The following ICE2 variants were observed in gnomAD, a reference collection of about 807,000 sequenced individuals.
The protein encoded by ICE2 is little elongation complex subunit 2.
In ICE2, 87 loss-of-function variants were observed where a neutral mutation model predicts 105.4. That is an observed-to-expected ratio of 0.83 (90% CI 0.69 to 0.99). ICE2 has a LOEUF of 0.99. Ranked by LOEUF, ICE2 falls within the 50% of genes least tolerant of loss-of-function variation. ICE2 has a pLI of 0.00. For synonymous variants in ICE2, 399 were observed against 392.0 expected, an observed-to-expected ratio of 1.02 and a Z score of -0.21; for missense variants, 1,323 against 1,146.7, an observed-to-expected ratio of 1.15 and a Z score of -2.22.
At chr15:60,446,837 G>A (rs1037764089) in intron 11 of ICE2, among the ~76,000 whole-genome samples, 3 of 152,066 alleles carry the variant, frequency 2.0e-5, no homozygotes, top group Non-Finnish European at 4.4e-5. Context: ...TTGGGCAGTG[G>A]GTTAGATAAC....
At chr15:60,448,553 A>G (rs577456516) in intron 10 of ICE2, among the ~76,000 whole-genome samples, 1 of 152,330 alleles carries the variant, frequency 6.6e-6, no homozygotes, top group East Asian at 1.9e-4. Flanking sequence ...AATGTTTATG[A>G]TTATTCTGGA....
Position 60,456,681 on chromosome 15 carries a change from C to T in ICE2, c.642G>A (p.Lys214=), listed in dbSNP as rs2141097548. ...FFPFRVEMGL[K]LEKTLLALGS... ...CCAATGCGAGAAGAGTTTTTTCTAA[C>T]TTTAATCCCATCTCTACTCTGAATG... The change falls in exon 6 of 16, where the codon AAG becomes AAA. Residue 214 remains lysine (K), a synonymous_variant. Coordinates refer to ENST00000261520, the MANE Select transcript of ICE2 (RefSeq NM_024611.6). 1 of 1,585,620 alleles carries T rather than the reference C, an allele frequency of 6.3e-7. No individual in the cohort carries two copies. The highest frequency in any genetic ancestry group is 2.3e-5 in the East Asian group (1 of 43,610).
intron 15 of ICE2, among the ~76,000 whole-genome samples, chr15:60,426,928 A>T (rs1459485872): frequency 2.0e-5 from 3 of 152,210 alleles, no homozygotes; most frequent in Admixed American, 6.5e-5. Flanking sequence ...AGGTTATAAA[A>T]GTTACTACTT....
In ICE2 at chr15:60,479,062, C is replaced by T. The variant is rs577792581; in HGVS notation, c.-152G>A. 1.7e-4 allele frequency: 78 copies of T among 453,960 alleles called. 1 individual carries two copies. The highest frequency in any genetic ancestry group is 1.1e-3 in the South Asian group (74 of 64,466). The allele number at this position is 453,960 out of a possible 1,614,324, so 28.1% of individuals were successfully genotyped here. ...GCCACACACCACACACGCTCCACCC[C>T]ACTCCTCACATTGTCGCGCGCGCCC... On this transcript the variant is annotated 5_prime_UTR_variant, in exon 1 of 16. The change creates a premature stop within an existing upstream ORF in the 5' untranslated region. Coordinates refer to ENST00000261520, the MANE Select transcript of ICE2 (RefSeq NM_024611.6).
At chr15:60,454,765 G>A (rs1189970320) in intron 8 of ICE2, 5 of 371,336 alleles carry the variant, frequency 1.3e-5, no homozygotes, top group African/African-American at 6.3e-5. Flanking sequence ...CTATACATGT[G>A]CCATGGTGGT....
intron 5 of ICE2, among the ~76,000 whole-genome samples, chr15:60,460,165 C>G (rs905855443): frequency 6.6e-6 from 1 of 152,104 alleles, no homozygotes; most frequent in African/African-American, 2.4e-5. Flanking sequence ...GGCATCAAGA[C>G]AGACATACAG....
chr15:60,455,399 A>G lies in ICE2; in HGVS notation c.710T>C (p.Ile237Thr). Residue 237 changes from isoleucine to threonine, a missense_variant, in exon 7 of 16, where the codon ATA becomes ACA. Ile to Thr is a moderately conservative substitution (Grantham distance 89, BLOSUM62 -1). Coordinates refer to ENST00000261520, the MANE Select transcript of ICE2 (RefSeq NM_024611.6). ...YVKTVFPSMP[I>T]KLQLSKDDIA... ...ATCGTCCTTTGACAGCTGCAACTTT[A>G]TAGGCATTGAGGGAAATACTGTTTT... The G allele has an allele frequency of 6.2e-7, 1 of 1,613,928 alleles. No individual in the cohort carries two copies. The highest frequency in any genetic ancestry group is 8.5e-7 in the Non-Finnish European group (1 of 1,179,874).
chr15:60,432,118 T>TA (rs60675189), intron 13 of ICE2, 134 bp from the exon 14 acceptor site: 342,168 of 345,494 alleles, frequency 0.99, 169,541 homozygotes, highest in Middle Eastern at 1. Context: ...ATACAAAAAA[T>TA]CTGAAACTTA....
intron 10 of ICE2, 34 bp downstream of exon 10, chr15:60,448,814 A>C (rs1019885025): frequency 7.2e-6 from 11 of 1,529,404 alleles, no homozygotes; most frequent in Middle Eastern, 1.7e-4. Context: ...AGAACAAGTA[A>C]AACACTGTAA....
At chr15:60,469,064 A>G (rs1225677412) in intron 3 of ICE2, among the ~76,000 whole-genome samples, 1 of 152,188 alleles carries the variant, frequency 6.6e-6, no homozygotes, top group African/African-American at 2.4e-5. Flanking sequence ...TAGAATCACA[A>G]TGGAGTCACC....
intron 5 of ICE2, among the ~76,000 whole-genome samples, chr15:60,465,906 C>G (rs972165030): frequency 6.6e-6 from 1 of 151,880 alleles, no homozygotes; most frequent in African/African-American, 2.4e-5. Context: ...CGCCCACCAC[C>G]ACGACTGGCT....
Position 60,420,804 on chromosome 15 carries a change from CAGTAT to C in ICE2, c.*2825_*2829del, listed in dbSNP as rs2063235436. ...TTATCAAAGCACTTATCACATAAAGCAGTATAGTGTCTTCCACTAGAATGTGATCT... is the reference window on the plus strand; with the variant it reads ...TTATCAAAGCACTTATCACATAAAGCAGTGTCTTCCACTAGAATGTGATCT... On this transcript the variant is annotated 3_prime_UTR_variant, in exon 16 of 16. Transcript: ENST00000261520. 6.6e-6 allele frequency: 1 copy of C among 152,058 alleles called. No homozygotes were observed. The highest frequency in any genetic ancestry group is 2.1e-4 in the South Asian group (1 of 4,828). The allele number at this position is 152,058 out of a possible 1,614,324, so 9.4% of individuals were successfully genotyped here.
At chr15:60,477,809 T>C (rs2064807818) in intron 2 of ICE2, 128 bp downstream of exon 2, 4 of 823,720 alleles carry the variant, frequency 4.9e-6, no homozygotes, top group East Asian at 2.4e-5. Flanking sequence ...ATAGGGTAAA[T>C]TCTGAGACCC....
At position 60,449,189 on chromosome 15, in the gene ICE2, G is replaced by T. The variant is rs777517788; in HGVS notation, c.1778C>A (p.Ala593Asp). The T allele has an allele frequency of 6.2e-7, 1 of 1,614,022 alleles. No individual in the cohort carries two copies. The highest frequency in any genetic ancestry group is 8.5e-7 in the Non-Finnish European group (1 of 1,179,938). ...GGAACTTAAGTTAGAACCCACAACA[G>T]CTGTCTTTCCATCACTATTATTTTT... ...ECKNNSDGKTAVVGSNLSSRP... is the reference protein window; with the variant it reads ...ECKNNSDGKTDVVGSNLSSRP... Residue 593 changes from alanine (A) to aspartate (D), a missense_variant, in exon 10 of 16, where the codon GCT becomes GAT. Coordinates refer to ENST00000261520, the MANE Select transcript of ICE2 (RefSeq NM_024611.6).
At chr15:60,447,848 C>A in intron 11 of ICE2, 122 bp downstream of exon 11, 2 of 805,270 alleles carry the variant, frequency 2.5e-6, no homozygotes, top group Non-Finnish European at 1.9e-6. Flanking sequence ...AAACAAAAAA[C>A]AAAACTCAAC....
At chr15:60,424,524 T>G (rs989755900) in intron 15 of ICE2, among the ~76,000 whole-genome samples, 1 of 139,644 alleles carries the variant, frequency 7.2e-6, no homozygotes, top group Non-Finnish European at 1.6e-5. Flanking sequence ...TTTTTTCTTT[T>G]GAGACAGAGT....
rs553840402 is a variant in ICE2 at position 60,423,307 on chromosome 15, GTGT to G, written c.*324_*326del. 47 of 183,880 alleles carry G rather than the reference GTGT, an allele frequency of 2.6e-4. No homozygotes were observed. In the South Asian group the frequency reaches 4.0e-3, roughly 16 times the overall value. The allele number at this position is 183,880 out of a possible 1,614,324, so 11.4% of individuals were successfully genotyped here. A position where few individuals can be genotyped will look rare whatever the true frequency, so the allele number is the denominator to read the frequency against. On this transcript the variant is annotated 3_prime_UTR_variant, in exon 16 of 16. Coordinates refer to ENST00000261520, the MANE Select transcript of ICE2 (RefSeq NM_024611.6). ...TAACTAACACAATACATAACGATAA[GTGT>G]TGTTCTTGATAAAAAACCAAATTAT...
Position 60,476,089 on chromosome 15 carries a change from T to A in ICE2, c.120A>T (p.Leu40Phe). The change falls in exon 3 of 16, where the codon TTA (leucine) becomes TTT (phenylalanine). Residue 40 changes from leucine (L) to phenylalanine (F), a missense_variant. By Grantham distance (22) the Leu-to-Phe change is conservative (BLOSUM62 0). Coordinates refer to ENST00000261520, the MANE Select transcript of ICE2 (RefSeq NM_024611.6). ...NYKDHSMAPS[L>F]KELRVLSNRR... Reference sequence around the variant, plus strand: ...TGTTGGATAAAACACGTAGTTCTTTTAAACTTGGAGCCATGGAATGATCTT... The same window carrying A: ...TGTTGGATAAAACACGTAGTTCTTTAAAACTTGGAGCCATGGAATGATCTT... The A allele has an allele frequency of 6.2e-7, 1 of 1,603,768 alleles. No individual in the cohort carries two copies. The highest frequency in any genetic ancestry group is 8.5e-7 in the Non-Finnish European group (1 of 1,176,096).
At chr15:60,450,203 A>G (rs552862367) in intron 9 of ICE2, among the ~76,000 whole-genome samples, 2 of 152,324 alleles carry the variant, frequency 1.3e-5, no homozygotes, top group East Asian at 1.9e-4. Flanking sequence ...TGTCTACTCT[A>G]TAGGCTCCTG....
Sources: allele counts gnomAD v4.1 joint callset (sites outside exome capture counted in the v4.1 genomes callset), GRCh38; gene constraint gnomAD v4.1.1; transcripts MANE v1.5; gene names NCBI Gene and HGNC (gene_info 2026-07-23, HGNC 2026-07-21).